TAFA2: variants seen among roughly 807,000 people sequenced by gnomAD.
The protein encoded by TAFA2 is TAFA chemokine like family member 2, also known as chemokine-like protein TAFA-2.
Under a neutral mutation model 18.8 loss-of-function variants are expected in TAFA2, and 7 were observed. The ratio of observed to expected loss-of-function variants is 0.37; its 90% CI spans 0.21 to 0.70. The LOEUF is 0.70. TAFA2 is among the 30% of genes least tolerant of loss of function. The probability of loss-of-function intolerance (pLI) is 0.53; values close to 1 mark genes in which losing one functional copy is unlikely to be tolerated. For synonymous variants in TAFA2, 60 were observed against 54.2 expected (o/e 1.11, Z -0.47); for missense variants, 122 against 158.1 (o/e 0.77, Z 1.23).
At chr12:61,713,822 T>C (rs558183263) in intron 4 of TAFA2, among the ~76,000 whole-genome samples, 1 of 152,318 alleles carries the variant, frequency 6.6e-6, no homozygotes, top group East Asian at 1.9e-4. Context: ...ATATTTTAAA[T>C]GTCATTTTAC....
At chr12:61,722,291 A>G (rs1030298151) in intron 4 of TAFA2, among the ~76,000 whole-genome samples, 4 of 152,196 alleles carry the variant, frequency 2.6e-5, no homozygotes, top group Non-Finnish European at 5.9e-5. Flanking sequence ...TATTTGTGTT[A>G]TTGAGTAATT....
chr12:61,766,433 G>A (rs1183849173), intron 2 of TAFA2, among the ~76,000 whole-genome samples: 1 of 151,980 alleles, frequency 6.6e-6, no homozygotes, highest in Non-Finnish European at 1.5e-5. Flanking sequence ...CCTGTTTCTT[G>A]ATTCCTTGCC....
At chr12:62,003,522 T>G (rs1247978473) in intron 1 of TAFA2, among the ~76,000 whole-genome samples, 2 of 152,176 alleles carry the variant, frequency 1.3e-5, no homozygotes, top group African/African-American at 4.8e-5. Flanking sequence ...AGCTTCTGAA[T>G]GTGGCTTACT....
chr12:62,057,777 C>T (rs951212450), intron 1 of TAFA2, among the ~76,000 whole-genome samples: 1 of 152,056 alleles, frequency 6.6e-6, no homozygotes, highest in Non-Finnish European at 1.5e-5. Flanking sequence ...TTTGCAATTG[C>T]CATATATTTA....
chr12:61,772,576 G>C (rs922263786), intron 2 of TAFA2, among the ~76,000 whole-genome samples: 11 of 151,954 alleles, frequency 7.2e-5, no homozygotes, highest in Admixed American at 5.9e-4. Context: ...GTCAATAAAT[G>C]CATTACAGCG....
chr12:61,857,871 G>T (rs181572249), intron 2 of TAFA2, among the ~76,000 whole-genome samples: 1 of 152,218 alleles, frequency 6.6e-6, no homozygotes, highest in Non-Finnish European at 1.5e-5. Context: ...TGGCACTTTC[G>T]TTAAGAAAGA....
chr12:61,912,350 G>A (rs1020706524), intron 1 of TAFA2, among the ~76,000 whole-genome samples: 1 of 152,128 alleles, frequency 6.6e-6, no homozygotes, highest in African/African-American at 2.4e-5. Flanking sequence ...GTTGTGACTA[G>A]AGACACATGT....
intron 1 of TAFA2, among the ~76,000 whole-genome samples, chr12:61,901,194 T>G (rs1876082868): frequency 6.6e-6 from 1 of 152,198 alleles, no homozygotes; most frequent in Non-Finnish European, 1.5e-5. Context: ...TTTGTATATT[T>G]TCTAAGAATA....
intron 2 of TAFA2, among the ~76,000 whole-genome samples, chr12:61,777,196 C>A (rs750887888): frequency 6.6e-6 from 1 of 151,866 alleles, no homozygotes; most frequent in Admixed American, 6.6e-5. Context: ...GGGGAAGCAG[C>A]AGAGCAACTA....
chr12:62,129,943 C>A (rs1320596341), intron 1 of TAFA2, among the ~76,000 whole-genome samples: 1 of 152,014 alleles, frequency 6.6e-6, no homozygotes, highest in Non-Finnish European at 1.5e-5. Context: ...CTCAACCATT[C>A]TGGATAAATA....
chr12:62,113,635 T>G (rs1333563440), intron 1 of TAFA2, among the ~76,000 whole-genome samples: 1 of 152,090 alleles, frequency 6.6e-6, no homozygotes, highest in Non-Finnish European at 1.5e-5. Flanking sequence ...GAGATGAAAG[T>G]TTTATCTATA....
At chr12:61,964,935 T>C (rs1212774095) in intron 1 of TAFA2, among the ~76,000 whole-genome samples, 3 of 151,888 alleles carry the variant, frequency 2.0e-5, no homozygotes, top group Non-Finnish European at 4.4e-5. Flanking sequence ...ATGATATTCA[T>C]TGCAATTTGA....
intron 1 of TAFA2, among the ~76,000 whole-genome samples, chr12:61,968,771 A>G (rs577347426): frequency 6.6e-6 from 1 of 151,866 alleles, no homozygotes; most frequent in East Asian, 1.9e-4. Context: ...TAGGAAACTG[A>G]TAGAGAAGAT....
chr12:61,807,436 G>A (rs551727341), intron 2 of TAFA2, among the ~76,000 whole-genome samples: 14 of 151,476 alleles, frequency 9.2e-5, no homozygotes, highest in Admixed American at 5.2e-4. Context: ...GCTGGGCTGG[G>A]GCTCTTATGG....
intron 1 of TAFA2, among the ~76,000 whole-genome samples, chr12:62,209,669 A>C (rs2062705613): frequency 6.6e-6 from 1 of 152,242 alleles, no homozygotes; most frequent in Non-Finnish European, 1.5e-5. Flanking sequence ...CTCAGGGCTA[A>C]AAATGAGGAG....
intron 1 of TAFA2, among the ~76,000 whole-genome samples, chr12:62,146,250 T>G (rs1174957133): frequency 6.6e-6 from 1 of 151,604 alleles, no homozygotes; most frequent in African/African-American, 2.4e-5. Flanking sequence ...CCTCCTAAGG[T>G]TGCTTTGCCT....
intron 1 of TAFA2, among the ~76,000 whole-genome samples, chr12:62,238,254 T>A (rs2062846861): frequency 6.6e-6 from 1 of 152,180 alleles, no homozygotes; most frequent in Non-Finnish European, 1.5e-5. Flanking sequence ...AGTTTCTCAG[T>A]GCTTTGTGGT....
At position 61,787,979 on chromosome 12, in the gene TAFA2, A is replaced by G. The variant is rs150553682; in HGVS notation, c.107-32955T>C. On this transcript the variant is annotated intron_variant, in intron 2 of 4. Transcript: ENST00000416284. The stretch of plus-strand genomic sequence containing the variant: ...AGACTCACTTCACCTATAAGAATGC[A>G]AAAAGACTGAGAGTGAAGGGATGGA... Among the ~76,000 whole-genome samples, 1,232 of 151,810 alleles carry G rather than the reference A, an allele frequency of 8.1e-3. 19 individuals are homozygous for G. Among genetic ancestry groups the G allele is most frequent in the African/African-American group, 0.028 (1,160 of 41,492 alleles).
At chr12:62,075,144 A>G (rs1364642293) in intron 1 of TAFA2, among the ~76,000 whole-genome samples, 1 of 152,252 alleles carries the variant, frequency 6.6e-6, no homozygotes, top group Non-Finnish European at 1.5e-5. Context: ...AAATATTTGT[A>G]TAACAATAAC....
Sources: gnomAD v4.1 joint callset for allele counts (sites outside exome capture counted in the v4.1 genomes callset) on GRCh38, gnomAD v4.1.1 for gene constraint, MANE v1.5 for transcripts, NCBI Gene and HGNC (gene_info 2026-07-23, HGNC 2026-07-21) for gene names.